Variants in DSE observed in about 807,000 individuals in gnomAD.
DSE encodes the protein dermatan sulfate epimerase, also known as dermatan-sulfate epimerase.
A neutral mutation model predicts 84.4 loss-of-function variants in DSE; 36 were observed. That is an observed-to-expected ratio of 0.43 (90% CI 0.33 to 0.56). DSE has a LOEUF of 0.56. DSE is among the 20% of genes least tolerant of loss of function. The pLI, the probability that DSE is intolerant of heterozygous loss-of-function variation, is 0.06. For synonymous variants in DSE, 410 were observed against 430.1 expected, an observed-to-expected ratio of 0.95 and a Z score of 0.58; for missense variants, 862 against 1,169.6, an observed-to-expected ratio of 0.74 and a Z score of 3.84.
At chr6:116,381,903 G>T (rs1780250184) in intron 1 of DSE, among the ~76,000 whole-genome samples, 1 of 152,132 alleles carries the variant, frequency 6.6e-6, no homozygotes, top group South Asian at 2.1e-4. Flanking sequence ...TCAGCAGACT[G>T]TTTCCTTTTG....
chr6:116,280,711 T>C (rs1053539028), intron 2 of DSE, among the ~76,000 whole-genome samples: 3 of 152,230 alleles, frequency 2.0e-5, no homozygotes, highest in African/African-American at 7.2e-5. Flanking sequence ...GGTTGAAGTG[T>C]TCCAGTTTGT....
exon 2 of DSE, chr6:116,258,688 G>A: frequency 6.2e-7 from 1 of 1,606,120 alleles, no homozygotes; most frequent in South Asian, 1.1e-5. Flanking sequence ...ACGGCGAAGT[G>A]GGGACACGTC....
chr6:116,261,177 G>A (rs780405794), intron 2 of DSE, among the ~76,000 whole-genome samples: 1 of 151,982 alleles, frequency 6.6e-6, no homozygotes, highest in Non-Finnish European at 1.5e-5. Context: ...CGTTATCCTT[G>A]TAGAGAACTT....
intron 2 of DSE, among the ~76,000 whole-genome samples, chr6:116,286,684 C>T (rs1003045762): frequency 1.3e-5 from 2 of 151,972 alleles, no homozygotes; most frequent in Admixed American, 1.3e-4. Flanking sequence ...TTAACATTGC[C>T]TACACTGTAA....
chr6:116,389,243 T>C (rs1427177596), intron 1 of DSE, among the ~76,000 whole-genome samples: 1 of 152,178 alleles, frequency 6.6e-6, no homozygotes, highest in East Asian at 1.9e-4. Flanking sequence ...TACTATTATT[T>C]GATCCATTTT....
intron 2 of DSE, among the ~76,000 whole-genome samples, chr6:116,262,260 GT>G (rs1220951019): frequency 6.6e-6 from 1 of 151,894 alleles, no homozygotes; most frequent in East Asian, 1.9e-4. Context: ...TGTTGTTTTG[GT>G]TGGTAGGCTT....
intron 2 of DSE, among the ~76,000 whole-genome samples, chr6:116,311,295 CCA>C (rs997616179): frequency 6.6e-6 from 1 of 152,070 alleles, no homozygotes; most frequent in Admixed American, 6.6e-5. Context: ...CCTTTCTCTC[CCA>C]CCAGAATATA....
intron 2 of DSE, among the ~76,000 whole-genome samples, chr6:116,402,713 T>C (rs1781672857): frequency 1.3e-5 from 2 of 152,184 alleles, no homozygotes; most frequent in African/African-American, 4.8e-5. Flanking sequence ...GTTTAACTCA[T>C]AAAATTTTCC....
In DSE at chr6:116,419,124, A is replaced by G. The variant is rs868753962; in HGVS notation, c.417-7450A>G. On this transcript the variant is annotated intron_variant, in intron 2 of 5. Coordinates refer to ENST00000644252, the MANE Select transcript of DSE (RefSeq NM_013352.4). ...GAACATTCCCCTTGGACTGCTGACT[A>G]CCCACTCAGAGCCTCCTAGATCAAG... 2.6e-5 allele frequency among the ~76,000 whole-genome samples: 4 copies of G among 152,240 alleles called. No individual in the cohort carries two copies. In the South Asian group the frequency reaches 8.3e-4, roughly 32 times the overall value.
intron 2 of DSE, among the ~76,000 whole-genome samples, chr6:116,276,205 G>A (rs1773135533): frequency 6.6e-6 from 1 of 152,172 alleles, no homozygotes; most frequent in African/African-American, 2.4e-5. Flanking sequence ...AGAGAACAGT[G>A]AGGAAGTTTA....
At chr6:116,287,882 A>C (rs1156966506) in intron 2 of DSE, among the ~76,000 whole-genome samples, 31 of 152,112 alleles carry the variant, frequency 2.0e-4, no homozygotes, top group Admixed American at 2.0e-3. Context: ...CACTAGAGGG[A>C]GCAACTGGTC....
chr6:116,313,498 A>T (rs1775806568), intron 2 of DSE, among the ~76,000 whole-genome samples: 1 of 152,238 alleles, frequency 6.6e-6, no homozygotes, highest in African/African-American at 2.4e-5. Context: ...TGATTTAGTA[A>T]TAATGATTGG....
intron 2 of DSE, among the ~76,000 whole-genome samples, chr6:116,418,041 T>C (rs1227530272): frequency 6.6e-6 from 1 of 151,972 alleles, no homozygotes; most frequent in African/African-American, 2.4e-5. Flanking sequence ...AGAGAAAAAT[T>C]ACAAAGGGTA....
intron 2 of DSE, among the ~76,000 whole-genome samples, chr6:116,356,005 T>C (rs1056486056): frequency 7.9e-5 from 12 of 152,332 alleles, no homozygotes; most frequent in African/African-American, 2.9e-4. Context: ...CTGAAGAGGA[T>C]GCTAACCACA....
chr6:116,419,031 A>G (rs1405231871), intron 2 of DSE, among the ~76,000 whole-genome samples: 1 of 152,194 alleles, frequency 6.6e-6, no homozygotes, highest in Non-Finnish European at 1.5e-5. Context: ...TCACAATGCC[A>G]GTGCTAACCT....
intron 2 of DSE, among the ~76,000 whole-genome samples, chr6:116,414,018 G>C (rs1424544165): frequency 6.6e-6 from 1 of 152,194 alleles, no homozygotes; most frequent in Admixed American, 6.5e-5. Flanking sequence ...TGAGTGTTCA[G>C]GCAGCGACAG....
chr6:116,254,373 T>C (rs1255421726), intron 1 of DSE: 7 of 495,056 alleles, frequency 1.4e-5, no homozygotes, highest in South Asian at 6.2e-5. Context: ...TCTGAAAATA[T>C]TTACTTTAAG....
intron 2 of DSE, among the ~76,000 whole-genome samples, chr6:116,304,134 A>AAG (rs1219309367): frequency 2.6e-5 from 4 of 151,952 alleles, no homozygotes; most frequent in African/African-American, 7.3e-5. Flanking sequence ...AAAAAAAAAA[A>AAG]AAAGAAAGAA....
chr6:116,432,985 C>A, intron 4 of DSE: 1 of 217,412 alleles, frequency 4.6e-6, no homozygotes, highest in Non-Finnish European at 9.3e-6. Context: ...GTGTTCATTC[C>A]AGGTTCAGAA....
Sources: gnomAD v4.1 joint callset for allele counts (sites outside exome capture counted in the v4.1 genomes callset) on GRCh38, gnomAD v4.1.1 for gene constraint, MANE v1.5 for transcripts, NCBI Gene and HGNC (gene_info 2026-07-23, HGNC 2026-07-21) for gene names.